The following MYOM3 variants were observed in gnomAD, a reference collection of about 807,000 sequenced individuals.
MYOM3 encodes the protein myomesin-3.
In MYOM3, 155 loss-of-function variants were observed where a neutral mutation model predicts 191.7. The ratio of observed to expected loss-of-function variants is 0.81; its 90% CI spans 0.71 to 0.92. MYOM3 has a LOEUF of 0.92. Ranked by LOEUF, MYOM3 falls within the 40% of genes least tolerant of loss-of-function variation. MYOM3 has a pLI of 0.00. For missense variants in MYOM3, 1,889 were observed against 1,890.6 expected, an observed-to-expected ratio of 1.00 and a Z score of 0.02; for synonymous variants, 757 against 762.9, an observed-to-expected ratio of 0.99 and a Z score of 0.13.
In MYOM3 at chr1:24,090,050, G is replaced by A. The variant is rs747671168; in HGVS notation, c.1486+15C>T. The A allele has an allele frequency of 4.3e-6, 7 of 1,613,278 alleles. No individual in the cohort carries two copies. Among genetic ancestry groups the A allele is most frequent in the Non-Finnish European group, 3.4e-6 (4 of 1,179,182 alleles). ...ACTATACAGGAGGCCCAGTGTGTGGGAGGATCCCGCGTACCTTCAAAAGCG... is the reference window on the plus strand; with the variant it reads ...ACTATACAGGAGGCCCAGTGTGTGGAAGGATCCCGCGTACCTTCAAAAGCG... On this transcript the variant is annotated intron_variant, in intron 13 of 36. Coordinates refer to ENST00000374434, the MANE Select transcript of MYOM3 (RefSeq NM_152372.4).
intron 7 of MYOM3, among the ~76,000 whole-genome samples, chr1:24,097,539 G>T (rs1643885029): frequency 6.6e-6 from 1 of 152,194 alleles, no homozygotes; most frequent in East Asian, 1.9e-4. Flanking sequence ...TCTACAGAGA[G>T]AGCTGAGTTC....
Position 24,092,157 on chromosome 1 carries a change from T to C in MYOM3, c.1232+17A>G, listed in dbSNP as rs1253784534. 21 of 1,443,322 alleles carry C rather than the reference T, an allele frequency of 1.5e-5. No individual in the cohort carries two copies. In the East Asian group the frequency reaches 5.7e-4, roughly 39 times the overall value. The allele number at this position is 1,443,322 out of a possible 1,614,324, so 89.4% of individuals were successfully genotyped here. A position where few individuals can be genotyped will look rare whatever the true frequency, so the allele number is the denominator to read the frequency against. ...ATTCTACCCCTAGGGCCTCTGCCAC[T>C]CACGAGGTCGACTCACCGCTCAATG... On this transcript the variant is annotated intron_variant, in intron 11 of 36. Coordinates refer to ENST00000374434, the MANE Select transcript of MYOM3 (RefSeq NM_152372.4).
At chr1:24,096,400 A>G (rs1643878492) in intron 7 of MYOM3, among the ~76,000 whole-genome samples, 2 of 152,200 alleles carry the variant, frequency 1.3e-5, no homozygotes, top group South Asian at 4.1e-4. Context: ...TGGAGTTGCC[A>G]GCCTTGATGG....
At chr1:24,061,430 A>T (rs1404951600) in intron 33 of MYOM3, 121 bp from the exon 34 acceptor site, 5 of 1,010,950 alleles carry the variant, frequency 4.9e-6, no homozygotes, top group Non-Finnish European at 7.6e-6. Context: ...CCCCATGCCG[A>T]TGTTTCTTTG....
chr1:24,103,320 G>T (rs1422718665), intron 5 of MYOM3, among the ~76,000 whole-genome samples: 1 of 152,316 alleles, frequency 6.6e-6, no homozygotes, highest in Admixed American at 6.5e-5. Context: ...CCAGTGCCCA[G>T]CAAGGTACTT....
chr1:24,092,329 G>A lies in MYOM3; in HGVS notation c.1091-14C>T, dbSNP rs1643849949. The A allele has an allele frequency of 7.4e-7, 1 of 1,351,848 alleles. No homozygotes were observed. 83.7% of individuals were successfully genotyped at this position (1,351,848 alleles called of 1,614,324 possible). On this transcript the variant is annotated splice_polypyrimidine_tract_variant and intron_variant, in intron 10 of 36. Transcript: ENST00000374434. ...CGGCCTCGGCATCTGAAACCCGGGG[G>A]TGAGAGGGAGGCCCTTCTAGTCAGT...
chr1:24,108,237 C>G (rs1644004421), intron 2 of MYOM3, 164 bp from the exon 3 acceptor site: 8 of 752,198 alleles, frequency 1.1e-5, no homozygotes, highest in Non-Finnish European at 1.7e-5. Context: ...TCCCCCCGAC[C>G]CTGAATGTGC....
rs16829071 is a variant in MYOM3 at position 24,067,073 on chromosome 1, C to T, written c.3371G>A (p.Arg1124Gln). 247,178 of 1,575,298 alleles carry T rather than the reference C, an allele frequency of 0.16. 23,926 individuals carry two copies. The highest frequency in any genetic ancestry group is 0.39 in the African/African-American group (29,007 of 73,898). Residue 1124 changes from arginine to glutamine, a missense_variant, in exon 28 of 37, where the codon CGG becomes CAG. Arg to Gln is a conservative substitution (Grantham distance 43). Transcript: ENST00000374434. ...CTCCGTGACCTTCCACTGCAACGGC[C>T]GCTCAAAATAGGGACCTGTGCGTGC... ...WKRKQGPYFE[R>Q]PLQWKVTEDC...
intron 20 of MYOM3, among the ~76,000 whole-genome samples, chr1:24,078,644 C>T (rs934057250): frequency 3.3e-5 from 5 of 152,182 alleles, no homozygotes; most frequent in Non-Finnish European, 5.9e-5. Context: ...AGAAATACTT[C>T]CCCTTTTCCT....
chr1:24,084,721 G>A, intron 15 of MYOM3, 82 bp from the exon 16 acceptor site: 1 of 1,309,854 alleles, frequency 7.6e-7, no homozygotes, highest in Non-Finnish European at 1.1e-6. Flanking sequence ...AGCATGGGGA[G>A]AGGCCAGAAG....
chr1:24,089,453 G>A (rs917117780), intron 14 of MYOM3, 85 bp downstream of exon 14: 10 of 1,443,478 alleles, frequency 6.9e-6, no homozygotes, highest in African/African-American at 2.9e-5. Flanking sequence ...ATTCTCTGAC[G>A]GCCTCCCCAG....
At chr1:24,065,039 C>T (rs148723664) in intron 29 of MYOM3, among the ~76,000 whole-genome samples, 228 of 152,308 alleles carry the variant, frequency 1.5e-3, no homozygotes, top group African/African-American at 5.3e-3. Flanking sequence ...TATGCTACAG[C>T]TGCTGTGGGG....
At position 24,111,742 on chromosome 1, in the gene MYOM3, C is replaced by CTTT. The variant is rs1235567214; in HGVS notation, c.-19+286_-19+288dup. On this transcript the variant is annotated intron_variant, in intron 1 of 36. Transcript: ENST00000374434. The surrounding 1 kb of genome is among the most constrained non-coding windows in gnomAD (Gnocchi z 4.7). ...TCCAGTTCCCAGGGCAGCCCCCACT[C>CTTT]TTTTTTTTTTTTTTGCAACTTTCAC... Among the ~76,000 whole-genome samples, 1 of 143,074 alleles carries CTTT rather than the reference C, an allele frequency of 7.0e-6. No individual in the cohort carries two copies. Among genetic ancestry groups the CTTT allele is most frequent in the African/African-American group, 2.6e-5 (1 of 39,098 alleles). The allele number at this position is 143,074 out of a possible 152,430, so 93.9% of individuals were successfully genotyped here.
chr1:24,107,085 C>T lies in MYOM3; in HGVS notation c.390G>A (p.Thr130=), dbSNP rs745536919. The T allele has an allele frequency of 1.7e-5, 27 of 1,607,820 alleles. No individual in the cohort carries two copies. Among genetic ancestry groups the T allele is most frequent in the South Asian group, 1.4e-4 (13 of 89,726 alleles). Residue 130 remains threonine, a synonymous_variant, in exon 4 of 37, where the codon ACG becomes ACA. Coordinates refer to ENST00000374434, the MANE Select transcript of MYOM3 (RefSeq NM_152372.4). The stretch of plus-strand genomic sequence containing the variant: ...CCCACCCCCTTACCCGCCGCCTCAG[C>T]GTCTTCCAGTCCCGCCTCTGGCGCA... ...RLLRQRRDWK[T]LRRRTEEKVQ... is the part of the protein sequence containing the mutation.
chr1:24,103,617 T>C (rs1353318086), intron 5 of MYOM3, among the ~76,000 whole-genome samples: 1 of 152,232 alleles, frequency 6.6e-6, no homozygotes, highest in East Asian at 1.9e-4. Flanking sequence ...CGGTGGCTAG[T>C]GACCCTTATC....
intron 20 of MYOM3, among the ~76,000 whole-genome samples, chr1:24,077,482 C>G (rs538957903): frequency 1.3e-5 from 2 of 152,310 alleles, no homozygotes; most frequent in East Asian, 3.9e-4. Flanking sequence ...GAGTGCGCTG[C>G]CTGGAATGCC....
intron 29 of MYOM3, 89 bp downstream of exon 29, chr1:24,065,802 C>G: frequency 1.0e-6 from 1 of 995,452 alleles, no homozygotes; most frequent in South Asian, 1.3e-5. Context: ...TAGCCTCGGC[C>G]CTGCCCTGAC....
In MYOM3 at chr1:24,098,019, G is replaced by T; in HGVS notation, c.657-8C>A. Reference sequence around the variant, plus strand: ...GAGTCCTCAATGGCGCATCTGAAAAGGAGAGAGGGAGAAGTTCCTCCCAAG... The same window carrying T: ...GAGTCCTCAATGGCGCATCTGAAAATGAGAGAGGGAGAAGTTCCTCCCAAG... On this transcript the variant is annotated splice_region_variant and splice_polypyrimidine_tract_variant and intron_variant, in intron 6 of 36. Coordinates refer to ENST00000374434, the MANE Select transcript of MYOM3 (RefSeq NM_152372.4). 6.3e-7 allele frequency: 1 copy of T among 1,588,020 alleles called. No homozygotes were observed. The highest frequency in any genetic ancestry group is 8.6e-7 in the Non-Finnish European group (1 of 1,156,168).
At chr1:24,103,819 C>T (rs1281876454) in intron 5 of MYOM3, among the ~76,000 whole-genome samples, 3 of 151,924 alleles carry the variant, frequency 2.0e-5, no homozygotes, top group African/African-American at 4.8e-5. Context: ...CAGATCTCCC[C>T]CCGCCCCACA....
Sources: allele counts gnomAD v4.1 joint callset (sites outside exome capture counted in the v4.1 genomes callset), GRCh38; gene constraint gnomAD v4.1.1; non-coding constraint Gnocchi (gnomAD v3.1); transcripts MANE v1.5; gene names NCBI Gene and HGNC (gene_info 2026-07-23, HGNC 2026-07-21).